The following PTPN11 variants were observed in gnomAD, a reference collection of about 807,000 sequenced individuals.
The protein encoded by PTPN11 is tyrosine-protein phosphatase non-receptor type 11.
In PTPN11, 6 loss-of-function variants were observed where a neutral mutation model predicts 78.8. That is an observed-to-expected ratio of 0.08 (90% CI 0.04 to 0.15). The LOEUF (loss-of-function observed/expected upper bound fraction) is 0.15. Ranked by LOEUF, PTPN11 falls within the 10% of genes least tolerant of loss-of-function variation. PTPN11 has a pLI of 1.00. For missense variants in PTPN11, 386 were observed against 744.8 expected (o/e 0.52, Z 5.61); for synonymous variants, 221 against 263.5 (o/e 0.84, Z 1.56).
At chr12:112,445,868 G>C (rs758340367) in intron 1 of PTPN11, among the ~76,000 whole-genome samples, 3 of 151,876 alleles carry the variant, frequency 2.0e-5, no homozygotes, top group Non-Finnish European at 2.9e-5. Flanking sequence ...TGGAACTCCC[G>C]ACCCCAGCTG....
intron 5 of PTPN11, 185 bp downstream of exon 5, chr12:112,454,865 T>C: frequency 1.6e-6 from 1 of 644,308 alleles, no homozygotes; most frequent in South Asian, 1.5e-5. Flanking sequence ...TGTCACCCAG[T>C]CTGGAGTACA....
intron 1 of PTPN11, 98 bp downstream of exon 1, chr12:112,419,223 C>T (rs2037477448): frequency 2.4e-6 from 3 of 1,259,840 alleles, no homozygotes; most frequent in Middle Eastern, 2.9e-4. Context: ...GGGCTTCGGG[C>T]TCCCGCCCCG....
chr12:112,475,454 T>C (rs2038486595), intron 7 of PTPN11, among the ~76,000 whole-genome samples: 1 of 152,166 alleles, frequency 6.6e-6, no homozygotes, highest in South Asian at 2.1e-4. Context: ...GGGGTCTCAC[T>C]ATATTGCCCA....
chr12:112,473,104 T>C (rs774447396), intron 7 of PTPN11, 64 bp downstream of exon 7: 35 of 1,327,992 alleles, frequency 2.6e-5, no homozygotes, highest in Non-Finnish European at 3.6e-5. Context: ...AGCACCTCTG[T>C]ACCTTTCCTC....
At chr12:112,424,889 G>A (rs1480981491) in intron 1 of PTPN11, among the ~76,000 whole-genome samples, 33 of 134,366 alleles carry the variant, frequency 2.5e-4, no homozygotes, top group African/African-American at 8.1e-4. Context: ...GTGTGTGTGT[G>A]TATGTGTGTG....
intron 7 of PTPN11, among the ~76,000 whole-genome samples, chr12:112,477,303 G>A (rs979076464): frequency 2.6e-5 from 4 of 152,020 alleles, no homozygotes; most frequent in Non-Finnish European, 4.4e-5. Flanking sequence ...AGGCCACTGC[G>A]CCCAGCCCAA....
At position 112,477,900 on chromosome 12, in the gene PTPN11, G is replaced by A; in HGVS notation, c.977G>A (p.Ser326Asn). The change falls in exon 9 of 16, where the codon AGT (serine) becomes AAT (asparagine). Residue 326 changes from serine to asparagine, a missense_variant. Ser to Asn is a conservative substitution (Grantham distance 46, BLOSUM62 1). Transcript: ENST00000351677. ...TKCNNSKPKK[S>N]YIATQGCLQN... ...TGCAACAATTCAAAGCCCAAAAAGAGTTACATTGCCACACAAGGCTGCCTG... is the reference window on the plus strand; with the variant it reads ...TGCAACAATTCAAAGCCCAAAAAGAATTACATTGCCACACAAGGCTGCCTG... 4 of 1,614,196 alleles carry A rather than the reference G, an allele frequency of 2.5e-6. No individual in the cohort carries two copies. The highest frequency in any genetic ancestry group is 2.5e-6 in the Non-Finnish European group (3 of 1,180,014).
In PTPN11 at chr12:112,467,167, C is replaced by A. The variant is rs116344523; in HGVS notation, c.757-5777C>A. On this transcript the variant is annotated intron_variant, in intron 6 of 15. Coordinates refer to ENST00000351677, the MANE Select transcript of PTPN11 (RefSeq NM_002834.5). ...CTCCTCCACAGTAGTGGAGTAGTGCCGTTGGGTACTCACAGTCAGTAGTGC... is the reference window on the plus strand; with the variant it reads ...CTCCTCCACAGTAGTGGAGTAGTGCAGTTGGGTACTCACAGTCAGTAGTGC... 9.4e-3 allele frequency among the ~76,000 whole-genome samples: 1,427 copies of A among 152,078 alleles called. 22 individuals are homozygous for A. Among genetic ancestry groups the A allele is most frequent in the African/African-American group, 0.033 (1,357 of 41,474 alleles).
intron 1 of PTPN11, among the ~76,000 whole-genome samples, chr12:112,442,875 T>TATATAA (rs2037927324): frequency 8.0e-5 from 6 of 74,896 alleles, no homozygotes; most frequent in Non-Finnish European, 1.2e-4. Context: ...TATATATATA[T>TATATAA]ATAAATTATA....
chr12:112,427,317 C>T (rs1213067969), intron 1 of PTPN11, among the ~76,000 whole-genome samples: 3 of 151,690 alleles, frequency 2.0e-5, no homozygotes, highest in South Asian at 2.1e-4. Flanking sequence ...GAGGCCGAGG[C>T]GGGTGGATCA....
chr12:112,440,965 C>CTTTTTTTTTT (rs376303682), intron 1 of PTPN11, among the ~76,000 whole-genome samples: 2 of 131,552 alleles, frequency 1.5e-5, no homozygotes, highest in African/African-American at 2.7e-5. Flanking sequence ...CTTTTCTTTT[C>CTTTTTTTTTT]TTTTTTTTTT....
At chr12:112,455,828 A>G (rs1172984202) in intron 5 of PTPN11, 122 bp from the exon 6 acceptor site, 5 of 692,250 alleles carry the variant, frequency 7.2e-6, no homozygotes, top group East Asian at 2.7e-5. Flanking sequence ...ACAGGGTCCT[A>G]TGAACCCTCT....
chr12:112,470,454 A>T (rs1044128985), intron 6 of PTPN11, among the ~76,000 whole-genome samples: 1 of 152,230 alleles, frequency 6.6e-6, no homozygotes. Flanking sequence ...AGACAGGCAA[A>T]GTAGCTTGGC....
At chr12:112,446,199 T>A in intron 1 of PTPN11, 77 bp from the exon 2 acceptor site, 1 of 1,577,344 alleles carries the variant, frequency 6.3e-7, no homozygotes, top group Non-Finnish European at 8.7e-7. Flanking sequence ...TCATAATGCG[T>A]CTTAGCTGTG....
chr12:112,468,140 A>G (rs1206983164), intron 6 of PTPN11, among the ~76,000 whole-genome samples: 1 of 152,148 alleles, frequency 6.6e-6, no homozygotes, highest in Non-Finnish European at 1.5e-5. Context: ...TCCCTGCTTT[A>G]CATTATCCTT....
intron 7 of PTPN11, among the ~76,000 whole-genome samples, chr12:112,473,964 C>T (rs547950347): frequency 9.2e-5 from 14 of 152,290 alleles, no homozygotes; most frequent in Non-Finnish European, 1.6e-4. Flanking sequence ...CTCACTGTAG[C>T]CTCAACCTCC....
In PTPN11 at chr12:112,473,059, C is replaced by T. The variant is rs1032100840; in HGVS notation, c.853+19C>T. 1.9e-6 allele frequency: 3 copies of T among 1,543,276 alleles called. No homozygotes were observed. In the African/African-American group the frequency reaches 4.1e-5, roughly 21 times the overall value. The stretch of plus-strand genomic sequence containing the variant: ...CTGCCCTGTAAGTATCAATATTCCG[C>T]TCAGTAATAGTCACTCTTGGAGATT... On this transcript the variant is annotated intron_variant, in intron 7 of 15. Transcript: ENST00000351677.
At position 112,419,780 on chromosome 12, in the gene PTPN11, C is replaced by T. The variant is rs145853010; in HGVS notation, c.14+655C>T. Among the ~76,000 whole-genome samples the T allele has an allele frequency of 2.5e-4, 38 of 152,326 alleles. 1 individual carries two copies. In the East Asian group the frequency reaches 5.0e-3, roughly 20 times the overall value. On this transcript the variant is annotated intron_variant, in intron 1 of 15. Coordinates refer to ENST00000351677, the MANE Select transcript of PTPN11 (RefSeq NM_002834.5). Reference sequence around the variant, plus strand: ...AGGGAGCCGCATCTCGTTATTTAATCCTTCACTGCAACCTTAACAGTCAGG... The same window carrying T: ...AGGGAGCCGCATCTCGTTATTTAATTCTTCACTGCAACCTTAACAGTCAGG...
chr12:112,485,791 A>G (rs2038664846), intron 10 of PTPN11, among the ~76,000 whole-genome samples: 1 of 152,144 alleles, frequency 6.6e-6, no homozygotes, highest in African/African-American at 2.4e-5. Context: ...AGCCTGGCCA[A>G]TATGGCGAAA....
Sources: gnomAD v4.1 joint callset for allele counts (sites outside exome capture counted in the v4.1 genomes callset) on GRCh38, gnomAD v4.1.1 for gene constraint, MANE v1.5 for transcripts, NCBI Gene and HGNC (gene_info 2026-07-23, HGNC 2026-07-21) for gene names.